The following URB1 variants were observed in gnomAD, a reference collection of about 807,000 sequenced individuals.
The protein encoded by URB1 is nucleolar pre-ribosomal-associated protein 1.
Under a neutral mutation model 242.3 loss-of-function variants are expected in URB1, and 197 were observed. The observed-to-expected ratio is 0.81, with a 90% confidence interval of 0.72 to 0.91. The LOEUF (loss-of-function observed/expected upper bound fraction) is 0.91, where lower values mean the gene tolerates loss of function less well. Ranked by LOEUF, URB1 falls within the 40% of genes least tolerant of loss-of-function variation. The probability of loss-of-function intolerance (pLI) is 0.00; values close to 1 mark genes in which losing one functional copy is unlikely to be tolerated. For missense variants in URB1, 2,721 were observed against 2,860.5 expected (o/e 0.95, Z 1.11); for synonymous variants, 1,153 against 1,201.8 (o/e 0.96, Z 0.84).
Position 32,338,782 on chromosome 21 carries a change from G to C in URB1, c.4435C>G (p.Leu1479Val). 1 of 1,551,654 alleles carries C rather than the reference G, an allele frequency of 6.4e-7. No individual in the cohort carries two copies. Among genetic ancestry groups the C allele is most frequent in the South Asian group, 1.2e-5 (1 of 84,054 alleles). The change falls in exon 26 of 39, where the codon CTC (leucine) becomes GTC (valine). Residue 1479 changes from leucine to valine, a missense_variant. Physicochemically the swap from Leu to Val is conservative, Grantham distance 32. Transcript: ENST00000382751. ...LIQLPVVYVM[L>V]MQHSLFLPTL... ...GGCAGAAACAGCGAGTGCTGCATGA[G>C]CATCACGTAGACCACCGGGAGCTGG...
intron 30 of URB1, among the ~76,000 whole-genome samples, chr21:32,326,112 C>T (rs2032826634): frequency 6.6e-6 from 1 of 152,140 alleles, no homozygotes; most frequent in Non-Finnish European, 1.5e-5. Context: ...CTTACCACAA[C>T]CTAGAGGGCT....
In URB1 at chr21:32,359,861, G is replaced by A; in HGVS notation, c.1804C>T (p.Gln602Ter). 1.3e-6 allele frequency: 2 copies of A among 1,548,440 alleles called. No individual in the cohort carries two copies. The highest frequency in any genetic ancestry group is 8.7e-7 in the Non-Finnish European group (1 of 1,145,772). ...AGGGCCACCTTCAGCATGTGGTGCT[G>A]CAGAATGGGAGGCACCTCCTCTCGA... Reference protein sequence around the residue: ...GLREEVPPILQHHMLKVALEL... With the variant: ...GLREEVPPIL Residue 602 changes from glutamine (Q) to a stop codon, truncating the protein, a stop_gained, in exon 14 of 39, where the codon CAG (glutamine) becomes TAG (stop). Transcript: ENST00000382751. LOFTEE classifies it high-confidence loss of function.
At chr21:32,349,512 A>T in intron 20 of URB1, 29 bp from the exon 21 acceptor site, 1 of 1,519,728 alleles carries the variant, frequency 6.6e-7, no homozygotes, top group Non-Finnish European at 8.8e-7. Flanking sequence ...GAGCCTCAGC[A>T]GGGAAGAGAC....
Position 32,350,904 on chromosome 21 carries a change from T to C in URB1, c.2632A>G (p.Ser878Gly), listed in dbSNP as rs1000259601. 7 of 1,547,220 alleles carry C rather than the reference T, an allele frequency of 4.5e-6. No homozygotes were observed. The highest frequency in any genetic ancestry group is 6.1e-6 in the Non-Finnish European group (7 of 1,146,694). Reference protein sequence around the residue: ...REAWLLQAQGSPSPPALPLAS... With the variant: ...REAWLLQAQGGPSPPALPLAS... ...AAGGGAAGGGCAGGGGGCGAGGGGC[T>C]GCCCTGTGCCTGCAGCAGCTGAGGG... Residue 878 changes from serine (S) to glycine (G), a missense_variant, in exon 20 of 39, where the codon AGC (serine) becomes GGC (glycine). By Grantham distance (56) the Ser-to-Gly change is moderately conservative. Coordinates refer to ENST00000382751, the MANE Select transcript of URB1 (RefSeq NM_014825.3).
rs1031047858 is a variant in URB1, at chr21:32,344,775, G to C, written c.4071-19C>G. On this transcript the variant is annotated intron_variant, in intron 23 of 38. Transcript: ENST00000382751. Reference sequence around the variant, plus strand: ...GATCCACCTGCAGCAGGAGATGAGAGTCAGAGACAGAGAGCAGGTTTAAAT... The same window carrying C: ...GATCCACCTGCAGCAGGAGATGAGACTCAGAGACAGAGAGCAGGTTTAAAT... 1.9e-6 allele frequency: 3 copies of C among 1,546,584 alleles called. No individual in the cohort carries two copies. The highest frequency in any genetic ancestry group is 1.7e-4 in the Middle Eastern group (1 of 5,974).
rs1211668391 is a variant in URB1, at chr21:32,368,550, T to C, written c.1050A>G (p.Ala350=). 1.0e-5 allele frequency: 16 copies of C among 1,551,706 alleles called. No individual in the cohort carries two copies. Among genetic ancestry groups the C allele is most frequent in the East Asian group, 2.4e-5 (1 of 40,916 alleles). The change falls in exon 9 of 39, where the codon GCA becomes GCG. Residue 350 remains alanine, a synonymous_variant. Transcript: ENST00000382751. ...LLHFLLGLKT[A]ADDDLVADLV... ...GGTCAGCCACCAGATCATCATCAGC[T>C]GCAGTTTTCAAACCCAGCAAGAAGT... is the stretch of plus-strand genomic sequence containing the variant.
At chr21:32,381,658 G>C (rs1173989324) in intron 4 of URB1, among the ~76,000 whole-genome samples, 2 of 152,238 alleles carry the variant, frequency 1.3e-5, no homozygotes, top group East Asian at 3.8e-4. Context: ...AGTAATAGAT[G>C]ATAGTGAGAA....
chr21:32,370,020 A>G (rs1037298738), intron 8 of URB1, among the ~76,000 whole-genome samples: 3 of 151,396 alleles, frequency 2.0e-5, no homozygotes, highest in Non-Finnish European at 2.9e-5. Context: ...AAGTCTGCAG[A>G]GACTAAAACT....
chr21:32,312,049 GGA>G lies in URB1; in HGVS notation c.*2867_*2868del, dbSNP rs2032594457. The G allele has an allele frequency of 7.5e-6, 12 of 1,610,278 alleles. No homozygotes were observed. The highest frequency in any genetic ancestry group is 1.7e-5 in the Admixed American group (1 of 60,010). On this transcript the variant is annotated 3_prime_UTR_variant, in exon 39 of 39. Transcript: ENST00000382751. ...TGAACTGGTGAAATCAAGCCAACCT[GGA>G]CACATACGTTCCTCGTTCTTCTTAG...
intron 20 of URB1, among the ~76,000 whole-genome samples, chr21:32,349,862 T>C (rs1039828740): frequency 6.7e-5 from 10 of 149,962 alleles, no homozygotes; most frequent in Admixed American, 1.3e-4. Flanking sequence ...CGGGAGGCTG[T>C]GGCGGGTATA....
intron 24 of URB1, 48 bp from the exon 25 acceptor site, chr21:32,341,572 A>T (rs1568816665): frequency 5.3e-6 from 8 of 1,523,588 alleles, no homozygotes; most frequent in Non-Finnish European, 6.2e-6. Context: ...CTCAGTCTAC[A>T]AAATACTAAA....
Position 32,354,951 on chromosome 21 carries a change from G to A in URB1, c.2153C>T (p.Ala718Val). ...GCTTGCTTCTTGGACAAAGTCAGAT[G>A]CTTTGTCTGTGTATGAATAGGGATT... ...VANPYSYTDK[A>V]SDFVQEASML... is the part of the protein sequence containing the mutation. Residue 718 changes from alanine to valine, a missense_variant, in exon 17 of 39, where the codon GCA (alanine) becomes GTA (valine). Transcript: ENST00000382751. 1 of 1,552,260 alleles carries A rather than the reference G, an allele frequency of 6.4e-7. No homozygotes were observed. Among genetic ancestry groups the A allele is most frequent in the Non-Finnish European group, 8.7e-7 (1 of 1,147,126 alleles).
intron 12 of URB1, 132 bp from the exon 13 acceptor site, chr21:32,361,255 A>C: frequency 1.3e-5 from 9 of 674,424 alleles, no homozygotes; most frequent in Non-Finnish European, 2.1e-5. Flanking sequence ...GAGCAGCTGA[A>C]CCAAGTGTGG....
intron 2 of URB1, 148 bp from the exon 3 acceptor site, chr21:32,384,612 C>G (rs1360161228): frequency 1.9e-5 from 20 of 1,055,536 alleles, no homozygotes. Flanking sequence ...GAGTCAAACG[C>G]GACAGCTTGG....
chr21:32,366,794 G>A (rs536954530), intron 9 of URB1, 39 bp from the exon 10 acceptor site: 1 of 1,546,408 alleles, frequency 6.5e-7, no homozygotes. Context: ...GGTGCTAGAA[G>A]TAAGTTTCAA....
intron 5 of URB1, 92 bp downstream of exon 5, chr21:32,378,353 G>C (rs374613467): frequency 4.2e-6 from 5 of 1,189,024 alleles, no homozygotes; most frequent in Non-Finnish European, 6.1e-6. Context: ...AACTGCAAAG[G>C]CTGCAGACTT....
intron 9 of URB1, among the ~76,000 whole-genome samples, chr21:32,367,030 T>C (rs1189327697): frequency 6.6e-6 from 1 of 152,108 alleles, no homozygotes; most frequent in Non-Finnish European, 1.5e-5. Flanking sequence ...GGCAAATAAA[T>C]CACTGCCAGA....
At position 32,317,777 on chromosome 21, in the gene URB1, A is replaced by G. The variant is rs2032710910; in HGVS notation, c.5933T>C (p.Val1978Ala). Residue 1978 changes from valine to alanine, a missense_variant, in exon 37 of 39, where the codon GTC becomes GCC. Physicochemically the swap from Val to Ala is moderately conservative, Grantham distance 64 (BLOSUM62 0). Coordinates refer to ENST00000382751, the MANE Select transcript of URB1 (RefSeq NM_014825.3). ...GCTCCACTTGTGCAAGAGGACAAGG[A>G]CGTCCTTGGTGGAAAGCACTGTCTC... ...VNETVLSTKD[V>A]LVLLHKWSLI... The G allele has an allele frequency of 6.4e-7, 1 of 1,551,968 alleles. No homozygotes were observed. The highest frequency in any genetic ancestry group is 8.7e-7 in the Non-Finnish European group (1 of 1,147,060).
At chr21:32,364,781 A>G (rs1290137077) in intron 10 of URB1, among the ~76,000 whole-genome samples, 1 of 120,948 alleles carries the variant, frequency 8.3e-6, no homozygotes, top group Non-Finnish European at 2.0e-5. Context: ...AGACAAAACC[A>G]TAAGAAATAA....
Sources: allele counts gnomAD v4.1 joint callset (sites outside exome capture counted in the v4.1 genomes callset), GRCh38; gene constraint gnomAD v4.1.1; transcripts MANE v1.5; gene names NCBI Gene and HGNC (gene_info 2026-07-23, HGNC 2026-07-21).